AGBL4: variants seen among roughly 807,000 people sequenced by gnomAD.
AGBL4 encodes AGBL carboxypeptidase 4, also known as cytosolic carboxypeptidase 6.
Under a neutral mutation model 66.4 loss-of-function variants are expected in AGBL4, and 58 were observed. The ratio of observed to expected loss-of-function variants is 0.87; its 90% CI spans 0.71 to 1.09. The LOEUF (loss-of-function observed/expected upper bound fraction) is 1.09. Ranked by LOEUF, AGBL4 falls within the 50% of genes least tolerant of loss-of-function variation. The probability of loss-of-function intolerance (pLI) is 0.00; values close to 1 mark genes in which losing one functional copy is unlikely to be tolerated. For synonymous variants in AGBL4, 234 were observed against 222.9 expected, an observed-to-expected ratio of 1.05 and a Z score of -0.44; for missense variants, 579 against 631.0, an observed-to-expected ratio of 0.92 and a Z score of 0.88.
chr1:48,847,233 G>C (rs994586126), intron 6 of AGBL4, among the ~76,000 whole-genome samples: 2 of 152,180 alleles, frequency 1.3e-5, no homozygotes, highest in Admixed American at 1.3e-4. Context: ...CCAGGAAGCG[G>C]AGGTTGCAGG....
chr1:48,878,002 T>C (rs1649389284), intron 5 of AGBL4, among the ~76,000 whole-genome samples: 1 of 152,202 alleles, frequency 6.6e-6, no homozygotes, highest in Non-Finnish European at 1.5e-5. Context: ...AACTGGAATA[T>C]AACTTCACTC....
chr1:49,283,035 T>G (rs113451290), intron 3 of AGBL4, among the ~76,000 whole-genome samples: 1 of 152,224 alleles, frequency 6.6e-6, no homozygotes, highest in Non-Finnish European at 1.5e-5. Context: ...CAAGAAGGCC[T>G]GCCTGCCTCT....
chr1:48,989,184 G>C (rs950294724), intron 5 of AGBL4, among the ~76,000 whole-genome samples: 1 of 151,958 alleles, frequency 6.6e-6, no homozygotes, highest in African/African-American at 2.4e-5. Flanking sequence ...CTAAATGTAC[G>C]GGTGTGTTCT....
At chr1:48,698,015 C>T (rs950913153) in intron 6 of AGBL4, among the ~76,000 whole-genome samples, 10 of 152,246 alleles carry the variant, frequency 6.6e-5, no homozygotes, top group Non-Finnish European at 1.0e-4. Context: ...ACTACTGTCA[C>T]GGAATGACTC....
At chr1:49,745,487 A>T (rs1468848388) in intron 2 of AGBL4, among the ~76,000 whole-genome samples, 1 of 152,048 alleles carries the variant, frequency 6.6e-6, no homozygotes, top group African/African-American at 2.4e-5. Flanking sequence ...AACATAGTAT[A>T]TATAGTGTTC....
At chr1:49,770,636 A>G (rs1644028185) in intron 2 of AGBL4, among the ~76,000 whole-genome samples, 1 of 152,214 alleles carries the variant, frequency 6.6e-6, no homozygotes, top group East Asian at 1.9e-4. Flanking sequence ...CAGTGAAGCT[A>G]TCAAGACCTG....
chr1:49,498,132 T>A (rs554957094), intron 3 of AGBL4, among the ~76,000 whole-genome samples: 1 of 151,972 alleles, frequency 6.6e-6, no homozygotes, highest in East Asian at 1.9e-4. Context: ...TTTTTGTAGA[T>A]GTTGTAAAAG....
At chr1:48,979,163 C>A (rs919218714) in intron 5 of AGBL4, among the ~76,000 whole-genome samples, 2 of 152,178 alleles carry the variant, frequency 1.3e-5, no homozygotes, top group Admixed American at 6.6e-5. Flanking sequence ...TCCACACTTT[C>A]TGTGTGTATA....
intron 1 of AGBL4, among the ~76,000 whole-genome samples, chr1:49,882,902 G>C (rs980288117): frequency 6.6e-6 from 1 of 152,142 alleles, no homozygotes; most frequent in Non-Finnish European, 1.5e-5. Context: ...GAGGCTAGTG[G>C]AGAGTCCTAT....
intron 3 of AGBL4, among the ~76,000 whole-genome samples, chr1:49,555,178 T>G (rs1006954965): frequency 6.6e-6 from 1 of 152,100 alleles, no homozygotes; most frequent in Non-Finnish European, 1.5e-5. Flanking sequence ...AACTGATTGG[T>G]CCGTTTTGAC....
chr1:49,895,337 G>A (rs563254468), intron 1 of AGBL4, among the ~76,000 whole-genome samples: 4 of 152,038 alleles, frequency 2.6e-5, no homozygotes, highest in South Asian at 2.1e-4. Flanking sequence ...ACAGGTAACC[G>A]TAAGTATACA....
intron 3 of AGBL4, among the ~76,000 whole-genome samples, chr1:49,284,037 C>T (rs557190686): frequency 5.5e-4 from 82 of 148,674 alleles, no homozygotes; most frequent in African/African-American, 1.8e-3. Context: ...AGATACTCCT[C>T]GAGAAGAGCA....
intron 3 of AGBL4, among the ~76,000 whole-genome samples, chr1:49,501,779 C>T (rs775405714): frequency 6.6e-6 from 1 of 151,954 alleles, no homozygotes; most frequent in African/African-American, 2.4e-5. Context: ...GCTTTTGCTA[C>T]ATTCCCATAA....
chr1:49,462,478 G>C (rs1029779057), intron 3 of AGBL4, among the ~76,000 whole-genome samples: 9 of 151,678 alleles, frequency 5.9e-5, no homozygotes, highest in Non-Finnish European at 1.3e-4. Context: ...CTAAATGACT[G>C]TTGGTGTATC....
chr1:49,984,940 C>T (rs184105449), intron 1 of AGBL4, among the ~76,000 whole-genome samples: 65 of 152,220 alleles, frequency 4.3e-4, no homozygotes, highest in African/African-American at 1.5e-3. Context: ...CAATAGAACC[C>T]TGGAAACACC....
intron 6 of AGBL4, chr1:48,742,505 G>A: frequency 1.9e-6 from 2 of 1,066,580 alleles, no homozygotes; most frequent in Non-Finnish European, 2.5e-6. Context: ...AGTCATTCAG[G>A]GCTAGGCCAG....
chr1:49,092,433 C>T, intron 4 of AGBL4, among the ~76,000 whole-genome samples: 1 of 152,272 alleles, frequency 6.6e-6, no homozygotes, highest in East Asian at 1.9e-4. Context: ...ACACTTGGAG[C>T]ATCTTATTGT....
At chr1:48,662,046 T>C (rs1646115504) in intron 7 of AGBL4, among the ~76,000 whole-genome samples, 1 of 152,204 alleles carries the variant, frequency 6.6e-6, no homozygotes, top group African/African-American at 2.4e-5. Flanking sequence ...TGAAACTCCA[T>C]CTTCTCATCT....
At chr1:48,639,363 C>T (rs1645719395) in intron 8 of AGBL4, among the ~76,000 whole-genome samples, 1 of 152,170 alleles carries the variant, frequency 6.6e-6, no homozygotes, top group Admixed American at 6.5e-5. Context: ...TGGCTAGGAG[C>T]CTGGGGTACA....
Sources: allele counts gnomAD v4.1 joint callset (sites outside exome capture counted in the v4.1 genomes callset), GRCh38; gene constraint gnomAD v4.1.1; transcripts MANE v1.5; gene names NCBI Gene and HGNC (gene_info 2026-07-23, HGNC 2026-07-21).